Variants in ZBTB20 observed in about 807,000 individuals in gnomAD.
ZBTB20 encodes the protein zinc finger and BTB domain containing 20.
A neutral mutation model predicts 56.9 loss-of-function variants in ZBTB20; 9 were observed. The ratio of observed to expected loss-of-function variants is 0.16; its 90% CI spans 0.10 to 0.28. The LOEUF (loss-of-function observed/expected upper bound fraction) is 0.28, where lower values mean the gene tolerates loss of function less well. Ranked by LOEUF, ZBTB20 falls within the 10% of genes least tolerant of loss-of-function variation. ZBTB20 has a pLI of 1.00. For missense variants in ZBTB20, 655 were observed against 1,003.0 expected (o/e 0.65, Z 4.69); for synonymous variants, 417 against 420.7 (o/e 0.99, Z 0.11).
intron 5 of ZBTB20, among the ~76,000 whole-genome samples, chr3:114,775,668 T>C (rs2069548014): frequency 6.6e-6 from 1 of 152,164 alleles, no homozygotes; most frequent in Non-Finnish European, 1.5e-5. Context: ...TTCCAGATGT[T>C]TTCCCGACAG....
intron 5 of ZBTB20, among the ~76,000 whole-genome samples, chr3:114,751,586 A>G (rs2067559101): frequency 6.6e-6 from 1 of 152,118 alleles, no homozygotes; most frequent in South Asian, 2.1e-4. Context: ...CTTTAGGTAA[A>G]ACTGTATTTC....
At chr3:115,022,925 T>C (rs75105727) in intron 2 of ZBTB20, among the ~76,000 whole-genome samples, 1,590 of 151,062 alleles carry the variant, frequency 0.011, 18 homozygotes, top group African/African-American at 0.031. Context: ...GCAGTATTTA[T>C]TGAGCACCTA....
Position 114,334,787 on chromosome 3 carries a change from T to C in ZBTB20, c.*4218A>G, listed in dbSNP as rs1337867922. On this transcript the variant is annotated 3_prime_UTR_variant, in exon 12 of 12. Transcript: ENST00000675478. ...CAAATAGATTCAAAGCATTAGGAATTTGGGAAGAGAACGGTCTATAAAACT... is the reference window on the plus strand; with the variant it reads ...CAAATAGATTCAAAGCATTAGGAATCTGGGAAGAGAACGGTCTATAAAACT... The C allele has an allele frequency of 6.6e-6, 1 of 152,158 alleles. No homozygotes were observed. The highest frequency in any genetic ancestry group is 2.4e-5 in the African/African-American group (1 of 41,422). The allele number at this position is 152,158 out of a possible 1,614,324, so 9.4% of individuals were successfully genotyped here.
At chr3:114,789,033 T>A (rs1333753509) in intron 5 of ZBTB20, among the ~76,000 whole-genome samples, 1 of 152,148 alleles carries the variant, frequency 6.6e-6, no homozygotes, top group African/African-American at 2.4e-5. Flanking sequence ...ACGAAGATTA[T>A]GGGAGCTACA....
chr3:114,461,710 A>T (rs1475982505), intron 7 of ZBTB20, among the ~76,000 whole-genome samples: 1 of 152,254 alleles, frequency 6.6e-6, no homozygotes, highest in Non-Finnish European at 1.5e-5. Flanking sequence ...TCCTTGGGCC[A>T]GCAGCATCAG....
chr3:114,457,796 C>T (rs189474174), intron 7 of ZBTB20, among the ~76,000 whole-genome samples: 21 of 152,264 alleles, frequency 1.4e-4, no homozygotes, highest in African/African-American at 3.4e-4. Context: ...CAAGATCACA[C>T]GCCTAGCAAG....
intron 6 of ZBTB20, among the ~76,000 whole-genome samples, chr3:114,666,059 T>C (rs1001417426): frequency 6.6e-6 from 1 of 152,020 alleles, no homozygotes; most frequent in Non-Finnish European, 1.5e-5. Context: ...GTCCCTTGCA[T>C]TCTCTGATTT....
At chr3:114,561,660 G>C (rs2052070772) in intron 6 of ZBTB20, among the ~76,000 whole-genome samples, 1 of 151,996 alleles carries the variant, frequency 6.6e-6, no homozygotes, top group South Asian at 2.1e-4. Context: ...ATATGCTCTT[G>C]TCCTGGCTTT....
chr3:114,574,428 C>T (rs2053784254), intron 6 of ZBTB20, among the ~76,000 whole-genome samples: 1 of 152,218 alleles, frequency 6.6e-6, no homozygotes, highest in Admixed American at 6.5e-5. Flanking sequence ...GTCTATTTCA[C>T]TGTACCATTA....
At chr3:115,022,146 A>G (rs2080231649) in intron 2 of ZBTB20, among the ~76,000 whole-genome samples, 1 of 150,730 alleles carries the variant, frequency 6.6e-6, no homozygotes, top group Non-Finnish European at 1.5e-5. Flanking sequence ...CGTAAAAAAG[A>G]TAAATTAAGG....
At chr3:114,991,850 A>G (rs190929534) in intron 2 of ZBTB20, among the ~76,000 whole-genome samples, 34 of 152,172 alleles carry the variant, frequency 2.2e-4, no homozygotes, top group Non-Finnish European at 3.4e-4. Context: ...TCCCTTTACC[A>G]TCATGTAATG....
intron 6 of ZBTB20, among the ~76,000 whole-genome samples, chr3:114,630,334 T>A (rs556062272): frequency 6.6e-6 from 1 of 152,082 alleles, no homozygotes; most frequent in Non-Finnish European, 1.5e-5. Flanking sequence ...CCATAACTCA[T>A]TGGATGGCAG....
chr3:115,048,505 A>G (rs1218979580), intron 2 of ZBTB20, among the ~76,000 whole-genome samples: 1 of 152,144 alleles, frequency 6.6e-6, no homozygotes, highest in African/African-American at 2.4e-5. Context: ...AATGATAATC[A>G]TAATAATATC....
chr3:114,788,730 A>G (rs1236294294), intron 5 of ZBTB20, among the ~76,000 whole-genome samples: 1 of 152,142 alleles, frequency 6.6e-6, no homozygotes, highest in Non-Finnish European at 1.5e-5. Context: ...GGATGTATTC[A>G]TTTGCTCTCA....
intron 7 of ZBTB20, among the ~76,000 whole-genome samples, chr3:114,444,558 A>T (rs2091145738): frequency 6.6e-6 from 1 of 152,198 alleles, no homozygotes. Flanking sequence ...GCATAGGAGT[A>T]CATCAAGAAA....
chr3:114,872,609 CAA>C (rs776971735), intron 4 of ZBTB20, among the ~76,000 whole-genome samples: 5 of 148,800 alleles, frequency 3.4e-5, no homozygotes, highest in Admixed American at 6.7e-5. Context: ...TTTTTGGTAA[CAA>C]GAGTCATGAA....
intron 6 of ZBTB20, among the ~76,000 whole-genome samples, chr3:114,573,258 G>A (rs1458907917): frequency 6.6e-6 from 1 of 151,942 alleles, no homozygotes; most frequent in African/African-American, 2.4e-5. Flanking sequence ...TCAGGAGTTC[G>A]AGACCACCCT....
chr3:115,108,698 G>A (rs1449286345), intron 1 of ZBTB20, among the ~76,000 whole-genome samples: 2 of 152,054 alleles, frequency 1.3e-5, no homozygotes, highest in Non-Finnish European at 2.9e-5. Context: ...TTATAATCAC[G>A]GCAGTTTCCT....
At chr3:114,781,965 T>C (rs2070137166) in intron 5 of ZBTB20, among the ~76,000 whole-genome samples, 1 of 152,196 alleles carries the variant, frequency 6.6e-6, no homozygotes, top group Non-Finnish European at 1.5e-5. Context: ...CTTTATAAAT[T>C]ACCCAGTCTT....
Sources: allele counts gnomAD v4.1 joint callset (sites outside exome capture counted in the v4.1 genomes callset), GRCh38; gene constraint gnomAD v4.1.1; transcripts MANE v1.5; gene names NCBI Gene and HGNC (gene_info 2026-07-23, HGNC 2026-07-21).